TCF12: variants seen among roughly 807,000 people sequenced by gnomAD.
TCF12 encodes transcription factor 12.
Under a neutral mutation model 86.0 loss-of-function variants are expected in TCF12, and 45 were observed. The ratio of observed to expected loss-of-function variants is 0.52; its 90% CI spans 0.41 to 0.67. TCF12 has a LOEUF of 0.67. TCF12 is among the 30% of genes least tolerant of loss of function. The probability of loss-of-function intolerance (pLI) is 0.00; values close to 1 mark genes in which losing one functional copy is unlikely to be tolerated. For missense variants in TCF12, 881 were observed against 859.9 expected (o/e 1.02, Z -0.31); for synonymous variants, 330 against 299.6 (o/e 1.10, Z -1.05).
intron 12 of TCF12, among the ~76,000 whole-genome samples, chr15:57,239,119 G>A (rs979660006): frequency 3.3e-5 from 5 of 152,266 alleles, no homozygotes; most frequent in South Asian, 4.2e-4. Context: ...TTAGGAGGCT[G>A]AGGCAGTGGG....
intron 8 of TCF12, among the ~76,000 whole-genome samples, chr15:57,223,661 T>TTTTTTTTTTTTTTTTTTTTTTTTTTTTA (rs1265091469): frequency 7.0e-6 from 1 of 142,608 alleles, no homozygotes; most frequent in Non-Finnish European, 1.6e-5. Flanking sequence ...TTTTTTTTTT[T>TTTTTTTTTTTTTTTTTTTTTTTTTTTTA]TTTTTTTTTT....
At chr15:57,199,274 G>C (rs1479258992) in intron 8 of TCF12, among the ~76,000 whole-genome samples, 1 of 151,908 alleles carries the variant, frequency 6.6e-6, no homozygotes, top group Non-Finnish European at 1.5e-5. Context: ...AGGGGTAGGT[G>C]GTTCAACAGC....
intron 16 of TCF12, among the ~76,000 whole-genome samples, chr15:57,259,535 C>G (rs1297248655): frequency 6.6e-6 from 1 of 152,204 alleles, no homozygotes. Context: ...GAAAACAAGT[C>G]CCTTGTTGGG....
At chr15:57,056,286 G>A (rs1290190511) in intron 3 of TCF12, among the ~76,000 whole-genome samples, 15 of 151,392 alleles carry the variant, frequency 9.9e-5, no homozygotes, top group African/African-American at 3.2e-4. Flanking sequence ...GATTACAGGC[G>A]CCCACCACCA....
rs1177544594 is a variant in TCF12 at position 57,064,795 on chromosome 15, C to CAAAAAA, written c.222+985_222+990dup. ...TGGGCCACAGAGTGAGACTCCATCT[C>CAAAAAA]AAAAAAAAAAAAAAAAAAGAGAGAG... On this transcript the variant is annotated intron_variant, in intron 4 of 20. Coordinates refer to ENST00000333725, the MANE Select transcript of TCF12 (RefSeq NM_207037.2). 9.6e-4 allele frequency among the ~76,000 whole-genome samples: 75 copies of CAAAAAA among 78,042 alleles called. 1 individual carries two copies. Among genetic ancestry groups the CAAAAAA allele is most frequent in the African/African-American group, 4.5e-3 (62 of 13,698 alleles). The allele number at this position is 78,042 out of a possible 152,430, so 51.2% of individuals were successfully genotyped here. A position where few individuals can be genotyped will look rare whatever the true frequency, so the allele number is the denominator to read the frequency against.
intron 5 of TCF12, among the ~76,000 whole-genome samples, chr15:57,152,066 G>C (rs1363237942): frequency 6.6e-6 from 1 of 152,196 alleles, no homozygotes; most frequent in African/African-American, 2.4e-5. Context: ...AGGCACAACA[G>C]GTGATCACTA....
At chr15:57,281,104 C>CTTTTTTT (rs5812880) in intron 19 of TCF12, among the ~76,000 whole-genome samples, 4 of 133,986 alleles carry the variant, frequency 3.0e-5, no homozygotes, top group Non-Finnish European at 6.2e-5. Context: ...GCACCCTATT[C>CTTTTTTT]TTTTTTTTTT....
intron 3 of TCF12, among the ~76,000 whole-genome samples, chr15:57,009,303 G>A (rs2064676626): frequency 6.6e-6 from 1 of 152,034 alleles, no homozygotes; most frequent in Admixed American, 6.6e-5. Context: ...TGGAGATGGG[G>A]TTTTGCCATG....
intron 5 of TCF12, among the ~76,000 whole-genome samples, chr15:57,156,239 G>T (rs959286915): frequency 1.3e-5 from 2 of 152,098 alleles, no homozygotes; most frequent in Non-Finnish European, 2.9e-5. Flanking sequence ...CACCAGAAGG[G>T]TATGTCTTAT....
chr15:56,990,833 C>T (rs1261942556), intron 3 of TCF12, among the ~76,000 whole-genome samples: 2 of 150,582 alleles, frequency 1.3e-5, no homozygotes, highest in Non-Finnish European at 2.9e-5. Flanking sequence ...TGCTCTATCA[C>T]CTAGGCTGGA....
chr15:57,231,255 A>G lies in TCF12; in HGVS notation c.683A>G (p.Gln228Arg), dbSNP rs773870756. Residue 228 changes from glutamine to arginine, a missense_variant and splice_region_variant, in exon 9 of 21, where the codon CAA becomes CGA. Physicochemically the swap from Gln to Arg is conservative, Grantham distance 43. Transcript: ENST00000333725. ...TSMFASTFFMQDGTHNSSDLW... is the reference protein window; with the variant it reads ...TSMFASTFFMRDGTHNSSDLW... ...ATGTTCGCTAGCACTTTCTTTATGCAAGGTAAGTACTACCAAACAATTGCC... is the reference window on the plus strand; with the variant it reads ...ATGTTCGCTAGCACTTTCTTTATGCGAGGTAAGTACTACCAAACAATTGCC... The G allele has an allele frequency of 6.2e-7, 1 of 1,606,062 alleles. No homozygotes were observed.
intron 3 of TCF12, among the ~76,000 whole-genome samples, chr15:56,945,716 T>G (rs1316273504): frequency 1.3e-5 from 2 of 152,194 alleles, no homozygotes. Flanking sequence ...TGAATGTCCC[T>G]TCCAAAGCTC....
intron 3 of TCF12, among the ~76,000 whole-genome samples, chr15:57,033,507 G>A (rs116537711): frequency 5.3e-5 from 8 of 152,192 alleles, no homozygotes; most frequent in African/African-American, 1.9e-4. Flanking sequence ...GAACTGAATC[G>A]AAACTTGGTG....
At position 57,234,030 on chromosome 15, in the gene TCF12, A is replaced by G. The variant is rs755602938; in HGVS notation, c.971-13A>G. ...TGTAAAATTCTTGATTTATTTCTCT[A>G]TGAAATATCCAGGAACCAGAGGGAA... On this transcript the variant is annotated splice_polypyrimidine_tract_variant and intron_variant, in intron 11 of 20. Transcript: ENST00000333725. The G allele has an allele frequency of 1.2e-5, 20 of 1,610,104 alleles. No homozygotes were observed. Among genetic ancestry groups the G allele is most frequent in the East Asian group, 8.9e-5 (4 of 44,818 alleles).
At chr15:57,154,605 C>G (rs767645115) in intron 5 of TCF12, among the ~76,000 whole-genome samples, 34 of 152,082 alleles carry the variant, frequency 2.2e-4, no homozygotes, top group Non-Finnish European at 4.0e-4. Context: ...ATCTTGCATA[C>G]TTTCTTTGGT....
At chr15:57,037,831 G>T (rs967912283) in intron 3 of TCF12, among the ~76,000 whole-genome samples, 2 of 152,230 alleles carry the variant, frequency 1.3e-5, no homozygotes, top group East Asian at 1.9e-4. Flanking sequence ...AAAAACCAGT[G>T]TTCCTTTTTC....
At chr15:57,203,975 A>G (rs1444783229) in intron 8 of TCF12, among the ~76,000 whole-genome samples, 5 of 152,222 alleles carry the variant, frequency 3.3e-5, no homozygotes, top group Admixed American at 1.3e-4. Flanking sequence ...AGCCTGGGTG[A>G]CAGAGGAAGA....
At chr15:57,086,369 A>G (rs2151087358) in intron 4 of TCF12, among the ~76,000 whole-genome samples, 1 of 152,032 alleles carries the variant, frequency 6.6e-6, no homozygotes, top group South Asian at 2.1e-4. Flanking sequence ...CATCATCTAC[A>G]TTTTACAGAT....
At chr15:57,016,912 C>T (rs1428253600) in intron 3 of TCF12, among the ~76,000 whole-genome samples, 3 of 152,166 alleles carry the variant, frequency 2.0e-5, no homozygotes, top group African/African-American at 7.2e-5. Context: ...ATCTGGGCTT[C>T]CTAAACTCAG....
Sources: allele counts gnomAD v4.1 joint callset (sites outside exome capture counted in the v4.1 genomes callset), GRCh38; gene constraint gnomAD v4.1.1; transcripts MANE v1.5; gene names NCBI Gene and HGNC (gene_info 2026-07-23, HGNC 2026-07-21).